The following BICDL1 variants were observed in gnomAD, a reference collection of about 807,000 sequenced individuals.
The protein encoded by BICDL1 is BICD family like cargo adaptor 1.
A neutral mutation model predicts 76.8 loss-of-function variants in BICDL1; 20 were observed. The observed-to-expected ratio is 0.26, with a 90% CI of 0.18 to 0.38. BICDL1 has a LOEUF of 0.38. Among genes scored for constraint, BICDL1 ranks in the 10% least tolerant of loss-of-function variants. BICDL1 has a pLI of 1.00. For synonymous variants in BICDL1, 383 were observed against 337.1 expected (o/e 1.14, Z -1.49); for missense variants, 700 against 798.6 (o/e 0.88, Z 1.49).
In BICDL1 at chr12:120,078,967, G is replaced by A. The variant is rs193040809; in HGVS notation, c.1453-1920G>A. ...GGCCTACCAGGCTGCAGAGTCTGCT[G>A]CTAAATAGGGGGAGGCTGGGCTCTG... On this transcript the variant is annotated intron_variant, in intron 7 of 9. Transcript: ENST00000548673. 2.4e-3 allele frequency among the ~76,000 whole-genome samples: 367 copies of A among 152,366 alleles called. 2 individuals carry two copies. The highest frequency in any genetic ancestry group is 4.4e-3 in the Non-Finnish European group (302 of 68,032).
chr12:119,998,768 A>C, intron 2 of BICDL1, 32 bp downstream of exon 2: 1 of 1,591,158 alleles, frequency 6.3e-7, no homozygotes, highest in Non-Finnish European at 8.6e-7. Context: ...TAAGATGTAA[A>C]ATACTAAAAG....
rs1182575776 is a variant in BICDL1, at chr12:119,996,726, T to C, written c.430-1795T>C. 6.6e-5 allele frequency among the ~76,000 whole-genome samples: 10 copies of C among 152,252 alleles called. No homozygotes were observed. The East Asian group carries it at 1.9e-3, about 29-fold the overall frequency. ...CACGCATAGATGCCTTAGACTTCAG[T>C]CTATTCCTAACTGCATCACAATCTC... On this transcript the variant is annotated intron_variant, in intron 1 of 9. Transcript: ENST00000548673.
intron 2 of BICDL1, among the ~76,000 whole-genome samples, chr12:120,048,501 A>G (rs1362175396): frequency 6.6e-6 from 1 of 151,994 alleles, no homozygotes; most frequent in Non-Finnish European, 1.5e-5. Flanking sequence ...CTCAAACCTT[A>G]TAGTGTCAGC....
intron 8 of BICDL1, among the ~76,000 whole-genome samples, chr12:120,086,779 C>T (rs1040351167): frequency 2.0e-5 from 3 of 152,220 alleles, no homozygotes; most frequent in African/African-American, 7.2e-5. Flanking sequence ...ATTATTCGAG[C>T]CCTTGGAATA....
intron 9 of BICDL1, chr12:120,092,718 A>C (rs976818814): frequency 7.5e-4 from 740 of 985,390 alleles, no homozygotes; most frequent in Admixed American, 1.2e-3. Context: ...GGGAGAGACC[A>C]CCCGAGCCAT....
rs116701874 is a variant in BICDL1, at chr12:120,092,860, G to A, written c.1705-140G>A. ...CTTGCCCACGCTCACCGCTTTCTTG[G>A]TCAGGGCAGTCCCGGCTGCAGCCTC... On this transcript the variant is annotated intron_variant, in intron 9 of 9. Coordinates refer to ENST00000548673, the MANE Select transcript of BICDL1 (RefSeq NM_001367886.1). 925 of 1,410,672 alleles carry A rather than the reference G, an allele frequency of 6.6e-4. 4 individuals carry two copies. In the African/African-American group the frequency reaches 0.012, roughly 19 times the overall value. The allele number at this position is 1,410,672 out of a possible 1,614,324, so 87.4% of individuals were successfully genotyped here.
chr12:120,025,442 G>A (rs147191313), intron 2 of BICDL1, among the ~76,000 whole-genome samples: 215 of 152,082 alleles, frequency 1.4e-3, no homozygotes, highest in Non-Finnish European at 2.4e-3. Flanking sequence ...ACAGTTGTGG[G>A]TATGAGGACA....
rs1270657184 is a variant in BICDL1 at position 119,989,459 on chromosome 12, G to T, written c.-410G>T. 1.0e-4 allele frequency among the ~76,000 whole-genome samples: 6 copies of T among 57,478 alleles called. No individual in the cohort carries two copies. Among genetic ancestry groups the T allele is most frequent in the Admixed American group, 8.6e-4 (5 of 5,802 alleles). The allele number at this position is 57,478 out of a possible 152,430, so 37.7% of individuals were successfully genotyped here. ...CCCCGTGAGGCGCTGCCCGGCCGGC[G>T]GCGGCAGCAGCAGCAGCAGCGGCAG... On this transcript the variant is annotated 5_prime_UTR_variant, in exon 1 of 10. Coordinates refer to ENST00000548673, the MANE Select transcript of BICDL1 (RefSeq NM_001367886.1).
At chr12:120,016,743 G>A (rs771087372) in intron 2 of BICDL1, among the ~76,000 whole-genome samples, 37 of 151,416 alleles carry the variant, frequency 2.4e-4, no homozygotes, top group Non-Finnish European at 4.4e-4. Context: ...TTAAGAAACC[G>A]CCAAACTTAT....
At chr12:120,032,411 T>G (rs1385031716) in intron 2 of BICDL1, among the ~76,000 whole-genome samples, 1 of 152,184 alleles carries the variant, frequency 6.6e-6, no homozygotes, top group Non-Finnish European at 1.5e-5. Flanking sequence ...GACTGGTGGG[T>G]TAAAGAATTG....
chr12:120,016,706 C>T (rs1464718645), intron 2 of BICDL1, among the ~76,000 whole-genome samples: 1 of 151,884 alleles, frequency 6.6e-6, no homozygotes, highest in Non-Finnish European at 1.5e-5. Flanking sequence ...AGGTGTGAAC[C>T]ACCACACCTG....
Position 120,056,763 on chromosome 12 carries a change from C to T in BICDL1, c.646-4947C>T, listed in dbSNP as rs577246393. Among the ~76,000 whole-genome samples, 3 of 151,696 alleles carry T rather than the reference C, an allele frequency of 2.0e-5. No homozygotes were observed. The South Asian group carries it at 6.2e-4, about 32-fold the overall frequency. On this transcript the variant is annotated intron_variant, in intron 2 of 9. Transcript: ENST00000548673. Reference sequence around the variant, plus strand: ...AGAAAGAGTGAAAGAAAGATTTGGGCAGAGGGTCCTAGATGGATGTGGAGA... The same window carrying T: ...AGAAAGAGTGAAAGAAAGATTTGGGTAGAGGGTCCTAGATGGATGTGGAGA...
At chr12:120,070,217 G>C (rs890054957) in intron 4 of BICDL1, among the ~76,000 whole-genome samples, 1 of 152,038 alleles carries the variant, frequency 6.6e-6, no homozygotes, top group Non-Finnish European at 1.5e-5. Context: ...CAAAGTATTC[G>C]TACATTTTCT....
chr12:120,057,667 C>CAGAT (rs1953005007), intron 2 of BICDL1, among the ~76,000 whole-genome samples: 2 of 152,232 alleles, frequency 1.3e-5, no homozygotes, highest in South Asian at 4.1e-4. Flanking sequence ...GTTTATAACT[C>CAGAT]AGATTATCTA....
At chr12:120,092,737 G>A in intron 9 of BICDL1, 8 of 985,448 alleles carry the variant, frequency 8.1e-6, no homozygotes, top group Non-Finnish European at 9.6e-6. Flanking sequence ...ATCAGCTGAG[G>A]ACTGTGGCGG....
At chr12:120,064,069 G>A (rs191343792) in intron 3 of BICDL1, among the ~76,000 whole-genome samples, 111 of 152,280 alleles carry the variant, frequency 7.3e-4, no homozygotes, top group Admixed American at 2.3e-3. Context: ...GCCTCTTCAC[G>A]AATGACTCGC....
At chr12:120,062,247 T>C (rs1366721323) in intron 3 of BICDL1, among the ~76,000 whole-genome samples, 2 of 152,188 alleles carry the variant, frequency 1.3e-5, no homozygotes, top group East Asian at 3.8e-4. Flanking sequence ...TATGGGTTAA[T>C]GCATACAAGG....
At chr12:120,054,413 A>G (rs958171019) in intron 2 of BICDL1, among the ~76,000 whole-genome samples, 2 of 152,162 alleles carry the variant, frequency 1.3e-5, no homozygotes, top group African/African-American at 4.8e-5. Context: ...CCTTGCTGAC[A>G]CAGTAAGCTT....
chr12:119,998,461 GAAAA>G, intron 1 of BICDL1, 56 bp from the exon 2 acceptor site: 1 of 1,474,912 alleles, frequency 6.8e-7, no homozygotes, highest in Admixed American at 2.3e-5. Context: ...AGCGCGGAGA[GAAAA>G]AATAAAAGGC....
Sources: allele counts gnomAD v4.1 joint callset (sites outside exome capture counted in the v4.1 genomes callset), GRCh38; gene constraint gnomAD v4.1.1; transcripts MANE v1.5; gene names NCBI Gene and HGNC (gene_info 2026-07-23, HGNC 2026-07-21).